The following KCNK9 variants were observed in gnomAD, a reference collection of about 807,000 sequenced individuals.
The protein encoded by KCNK9 is potassium two pore domain channel subfamily K member 9, also known as potassium channel subfamily K member 9.
KCNK9 carries 1 observed loss-of-function variant against 10.8 expected under a neutral mutation model. That is an observed-to-expected ratio of 0.09 (90% CI 0.03 to 0.44). The LOEUF (loss-of-function observed/expected upper bound fraction) is 0.44, where lower values mean the gene tolerates loss of function less well. Ranked by LOEUF, KCNK9 falls within the 20% of genes least tolerant of loss-of-function variation. The pLI is 0.97. For synonymous variants in KCNK9, 231 were observed against 222.7 expected, an observed-to-expected ratio of 1.04 and a Z score of -0.33; for missense variants, 303 against 515.0, an observed-to-expected ratio of 0.59 and a Z score of 3.98.
rs1478953089 is a variant in KCNK9, at chr8:139,693,929, T to C, written c.283+8781A>G. Reference sequence around the variant, plus strand: ...CCAACAGAACTGAGTTGGGGAAATCTTACTCCTTGAATGAGCCAGGGCTTG... The same window carrying C: ...CCAACAGAACTGAGTTGGGGAAATCCTACTCCTTGAATGAGCCAGGGCTTG... On this transcript the variant is annotated intron_variant, in intron 1 of 1. Transcript: ENST00000520439. The surrounding 1 kb of genome is among the most constrained non-coding windows in gnomAD (Gnocchi z 4.1). 6.6e-6 allele frequency among the ~76,000 whole-genome samples: 1 copy of C among 152,138 alleles called. No individual in the cohort carries two copies. The highest frequency in any genetic ancestry group is 1.5e-5 in the Non-Finnish European group (1 of 68,020).
chr8:139,617,295 C>T lies in KCNK9; in HGVS notation c.*963G>A, dbSNP rs145237814. Among the ~76,000 whole-genome samples, 1,557 of 152,232 alleles carry T rather than the reference C, an allele frequency of 0.01. 17 individuals carry two copies. The highest frequency in any genetic ancestry group is 0.024 in the Middle Eastern group (7 of 294). The stretch of plus-strand genomic sequence containing the variant: ...CATCAATAAGAGGGAAATAGATACT[C>T]TGGGGTTCCAACAATTTTCCCGTTT... On this transcript the variant is annotated 3_prime_UTR_variant, in exon 2 of 2. Coordinates refer to ENST00000520439, the MANE Select transcript of KCNK9 (RefSeq NM_001282534.2).
intron 1 of KCNK9, among the ~76,000 whole-genome samples, chr8:139,666,827 T>C (rs542723270): frequency 4.2e-4 from 64 of 152,344 alleles, no homozygotes; most frequent in African/African-American, 1.5e-3. Flanking sequence ...TCCTCATCCA[T>C]TTTTTCAGCC....
intron 1 of KCNK9, 105 bp from the exon 2 acceptor site, chr8:139,619,204 C>A: frequency 7.7e-7 from 1 of 1,293,484 alleles, no homozygotes. Flanking sequence ...TGCAGAGGGA[C>A]CTGGTACTGG....
chr8:139,692,296 C>T (rs965461550), intron 1 of KCNK9, among the ~76,000 whole-genome samples: 1 of 152,200 alleles, frequency 6.6e-6, no homozygotes, highest in Non-Finnish European at 1.5e-5. Context: ...CCTAAATAAT[C>T]CACTCTGATG....
chr8:139,621,900 CATGTGAT>C (rs140926670), intron 1 of KCNK9, among the ~76,000 whole-genome samples: 1 of 152,344 alleles, frequency 6.6e-6, no homozygotes, highest in East Asian at 1.9e-4. Flanking sequence ...TAATGTTCCA[CATGTGAT>C]ATATTTACTG....
At chr8:139,671,635 A>G (rs1179622230) in intron 1 of KCNK9, among the ~76,000 whole-genome samples, 2 of 151,588 alleles carry the variant, frequency 1.3e-5, no homozygotes, top group Non-Finnish European at 2.9e-5. Context: ...ATCCTGCCTC[A>G]GCCTCCCAAG....
chr8:139,687,077 C>T (rs544352310), intron 1 of KCNK9, among the ~76,000 whole-genome samples: 2 of 151,624 alleles, frequency 1.3e-5, no homozygotes, highest in South Asian at 4.2e-4. Flanking sequence ...ATAAGAACAC[C>T]AAGAGATGGT....
Position 139,703,050 on chromosome 8 carries a change from G to C in KCNK9, c.-58C>G. ...GTCCCGCAGGCTCACAGCCGCGCGCGTCCCACTGCAGCGCCCGGCGGCCGC... is the reference window on the plus strand; with the variant it reads ...GTCCCGCAGGCTCACAGCCGCGCGCCTCCCACTGCAGCGCCCGGCGGCCGC... On this transcript the variant is annotated 5_prime_UTR_variant, in exon 1 of 2. Transcript: ENST00000520439. This position sits in a 1 kb window ranked among gnomAD's most constrained non-coding sequence, Gnocchi z 6.4. The C allele has an allele frequency of 6.6e-7, 1 of 1,507,926 alleles. No homozygotes were observed. Among genetic ancestry groups the C allele is most frequent in the Non-Finnish European group, 8.8e-7 (1 of 1,131,134 alleles). 93.4% of individuals were successfully genotyped at this position (1,507,926 alleles called of 1,614,324 possible).
downstream of KCNK9, among the ~76,000 whole-genome samples, chr8:139,613,912 C>A (rs1379738310): frequency 6.6e-6 from 1 of 152,212 alleles, no homozygotes; most frequent in Non-Finnish European, 1.5e-5. Flanking sequence ...TCACTGATGA[C>A]GGGGCCAGTG....
chr8:139,696,633 G>A (rs1249125902), intron 1 of KCNK9, among the ~76,000 whole-genome samples: 2 of 152,132 alleles, frequency 1.3e-5, no homozygotes, highest in African/African-American at 4.8e-5. Flanking sequence ...GTACACAGAG[G>A]AGGGAGGGAA....
At chr8:139,659,688 T>C (rs1347324167) in intron 1 of KCNK9, among the ~76,000 whole-genome samples, 5 of 151,432 alleles carry the variant, frequency 3.3e-5, no homozygotes, top group Non-Finnish European at 7.4e-5. Context: ...ATTTTTTTTT[T>C]TTTTTTTTTG....
At chr8:139,634,053 A>G (rs1007904275) in intron 1 of KCNK9, among the ~76,000 whole-genome samples, 1 of 152,240 alleles carries the variant, frequency 6.6e-6, no homozygotes, top group Non-Finnish European at 1.5e-5. Flanking sequence ...TCCTCCTGGC[A>G]TACCACACCT....
At chr8:139,608,621 C>A (rs965632581), downstream of KCNK9, among the ~76,000 whole-genome samples, 2 of 88,780 alleles carry the variant, frequency 2.3e-5, no homozygotes, top group Non-Finnish European at 4.5e-5. Context: ...GCAGGCTTTG[C>A]GGGGGGGCGG....
intron 1 of KCNK9, among the ~76,000 whole-genome samples, chr8:139,620,001 A>G (rs906228837): frequency 4.5e-4 from 68 of 152,204 alleles, no homozygotes; most frequent in African/African-American, 1.6e-3. Flanking sequence ...ATGCAACTTC[A>G]TTGCGTGGTT....
intron 1 of KCNK9, among the ~76,000 whole-genome samples, chr8:139,669,981 G>A (rs937607028): frequency 2.0e-5 from 3 of 152,178 alleles, no homozygotes; most frequent in African/African-American, 4.8e-5. Flanking sequence ...TGGGTGACAG[G>A]TGCATTGTCA....
intron 1 of KCNK9, among the ~76,000 whole-genome samples, chr8:139,620,409 A>G (rs569382022): frequency 6.6e-6 from 1 of 152,206 alleles, no homozygotes; most frequent in South Asian, 2.1e-4. Context: ...GTTACATGGC[A>G]TAATTGTTCT....
chr8:139,651,141 G>C (rs552444148), intron 1 of KCNK9, among the ~76,000 whole-genome samples: 1 of 152,280 alleles, frequency 6.6e-6, no homozygotes, highest in Non-Finnish European at 1.5e-5. Flanking sequence ...CTTCTTCCCA[G>C]CTGCAAGCCT....
At chr8:139,609,012 T>G (rs1040115399), downstream of KCNK9, among the ~76,000 whole-genome samples, 1 of 148,870 alleles carries the variant, frequency 6.7e-6, no homozygotes, top group South Asian at 2.2e-4. Context: ...GCGTATGTAT[T>G]TGATTGACCT....
chr8:139,651,484 T>C (rs1230367415), intron 1 of KCNK9, among the ~76,000 whole-genome samples: 1 of 152,220 alleles, frequency 6.6e-6, no homozygotes, highest in Non-Finnish European at 1.5e-5. Flanking sequence ...AGAGTGGTGA[T>C]AGCTCCTAGA....
Sources: allele counts gnomAD v4.1 joint callset (sites outside exome capture counted in the v4.1 genomes callset), GRCh38; gene constraint gnomAD v4.1.1; non-coding constraint Gnocchi (gnomAD v3.1); transcripts MANE v1.5; gene names NCBI Gene and HGNC (gene_info 2026-07-23, HGNC 2026-07-21).